DLG2: variants seen among roughly 807,000 people sequenced by gnomAD.
DLG2 encodes disks large homolog 2.
In DLG2, 45 loss-of-function variants were observed where a neutral mutation model predicts 132.5. The observed-to-expected ratio is 0.34, with a 90% CI of 0.27 to 0.44. DLG2 has a LOEUF of 0.44. Ranked by LOEUF, DLG2 falls within the 20% of genes least tolerant of loss-of-function variation. The probability of loss-of-function intolerance (pLI) is 1.00; values close to 1 mark genes in which losing one functional copy is unlikely to be tolerated. For missense variants in DLG2, 1,045 were observed against 1,196.9 expected (o/e 0.87, Z 1.87); for synonymous variants, 424 against 419.6 (o/e 1.01, Z -0.13).
chr11:85,451,292 C>T (rs2092233707), intron 3 of DLG2, among the ~76,000 whole-genome samples: 1 of 152,128 alleles, frequency 6.6e-6, no homozygotes, highest in Non-Finnish European at 1.5e-5. Context: ...CTTAAATCAA[C>T]CCACTTCTCT....
intron 3 of DLG2, among the ~76,000 whole-genome samples, chr11:85,493,739 G>C (rs1373644722): frequency 1.4e-5 from 2 of 146,000 alleles, no homozygotes; most frequent in Non-Finnish European, 3.0e-5. Context: ...AAGAGGGGAG[G>C]GGGAGAGAAA....
intron 10 of DLG2, among the ~76,000 whole-genome samples, chr11:84,096,182 C>A (rs567932359): frequency 6.6e-6 from 1 of 151,926 alleles, no homozygotes; most frequent in Non-Finnish European, 1.5e-5. Context: ...ATCATTAAGC[C>A]TTAATTTTCT....
chr11:83,708,358 G>A (rs1462971773), intron 18 of DLG2, among the ~76,000 whole-genome samples: 1 of 152,158 alleles, frequency 6.6e-6, no homozygotes, highest in Non-Finnish European at 1.5e-5. Context: ...TGAATTACCA[G>A]CACAAATGTT....
chr11:83,895,923 A>G (rs2071520290), intron 15 of DLG2, among the ~76,000 whole-genome samples: 1 of 152,232 alleles, frequency 6.6e-6, no homozygotes, highest in Non-Finnish European at 1.5e-5. Flanking sequence ...GTTCCCATCT[A>G]TTGAACTGAA....
intron 11 of DLG2, among the ~76,000 whole-genome samples, chr11:83,999,554 A>G (rs544282889): frequency 6.6e-6 from 1 of 152,086 alleles, no homozygotes; most frequent in Non-Finnish European, 1.5e-5. Flanking sequence ...AGGCCCAAGA[A>G]TTGGCCCACC....
chr11:85,436,922 T>G (rs1278462282), intron 3 of DLG2, among the ~76,000 whole-genome samples: 2 of 152,194 alleles, frequency 1.3e-5, no homozygotes, highest in Admixed American at 6.5e-5. Flanking sequence ...AATGATAGAC[T>G]GGATAAAGAA....
chr11:84,923,040 G>C, intron 6 of DLG2: 1 of 1,613,180 alleles, frequency 6.2e-7, no homozygotes, highest in Non-Finnish European at 8.5e-7. Flanking sequence ...GGTTTAACAT[G>C]TATATTGTGC....
At chr11:85,521,432 T>A (rs2074304255) in intron 3 of DLG2, among the ~76,000 whole-genome samples, 1 of 152,210 alleles carries the variant, frequency 6.6e-6, no homozygotes. Context: ...TCAATTAAAC[T>A]TCTTTCCTTT....
chr11:83,982,552 C>A (rs1429624627), intron 11 of DLG2, among the ~76,000 whole-genome samples: 1 of 147,578 alleles, frequency 6.8e-6, no homozygotes, highest in African/African-American at 2.5e-5. Context: ...TATAGCTGTA[C>A]AATATGTTTG....
intron 3 of DLG2, among the ~76,000 whole-genome samples, chr11:85,379,943 T>C (rs1596681211): frequency 6.6e-6 from 1 of 152,184 alleles, no homozygotes; most frequent in Non-Finnish European, 1.5e-5. Flanking sequence ...TTTACAAGCC[T>C]TATCACTTAC....
At chr11:83,871,404 A>C (rs1365394353) in intron 16 of DLG2, among the ~76,000 whole-genome samples, 1 of 152,256 alleles carries the variant, frequency 6.6e-6, no homozygotes, top group Non-Finnish European at 1.5e-5. Context: ...TTTTATGTCA[A>C]GTAAATAGCA....
chr11:85,308,904 C>T (rs908224124), intron 3 of DLG2, among the ~76,000 whole-genome samples: 1 of 152,014 alleles, frequency 6.6e-6, no homozygotes, highest in African/African-American at 2.4e-5. Flanking sequence ...TTATTATTTT[C>T]CCTATGGTGG....
chr11:85,571,466 T>G (rs1216269719), intron 3 of DLG2, among the ~76,000 whole-genome samples: 1 of 152,160 alleles, frequency 6.6e-6, no homozygotes, highest in East Asian at 1.9e-4. Context: ...AAAACTCTTG[T>G]GTATGCTAGG....
chr11:85,466,549 C>T (rs186168690), intron 3 of DLG2, among the ~76,000 whole-genome samples: 7 of 152,072 alleles, frequency 4.6e-5, no homozygotes, highest in African/African-American at 1.7e-4. Flanking sequence ...TTTCCCAGCA[C>T]CATTTATTAA....
intron 7 of DLG2, among the ~76,000 whole-genome samples, chr11:84,259,323 C>CT (rs1344930256): frequency 1.4e-5 from 2 of 148,062 alleles, no homozygotes; most frequent in Non-Finnish European, 3.0e-5. Flanking sequence ...TTAGTTTTTA[C>CT]TTTTTGCTTT....
intron 11 of DLG2, among the ~76,000 whole-genome samples, chr11:84,007,173 T>G (rs1176284720): frequency 6.6e-6 from 1 of 151,592 alleles, no homozygotes; most frequent in Non-Finnish European, 1.5e-5. Context: ...CATTTCTTTT[T>G]GCAAGGACAT....
chr11:85,095,673 T>C (rs1441672120), intron 6 of DLG2, among the ~76,000 whole-genome samples: 1 of 152,190 alleles, frequency 6.6e-6, no homozygotes, highest in African/African-American at 2.4e-5. Context: ...TTTTTCAAAA[T>C]AGATTTCATT....
chr11:84,598,690 C>A (rs1249673381), intron 6 of DLG2, among the ~76,000 whole-genome samples: 2 of 151,576 alleles, frequency 1.3e-5, no homozygotes, highest in Non-Finnish European at 2.9e-5. Flanking sequence ...CTCTAGGAGG[C>A]CAGGGCAGAA....
chr11:84,180,318 A>G (rs2096082032), intron 8 of DLG2, among the ~76,000 whole-genome samples: 1 of 152,136 alleles, frequency 6.6e-6, no homozygotes, highest in South Asian at 2.1e-4. Context: ...TCCAAATTGA[A>G]AAACAGAGAA....
Sources: gnomAD v4.1 joint callset for allele counts (sites outside exome capture counted in the v4.1 genomes callset) on GRCh38, gnomAD v4.1.1 for gene constraint, MANE v1.5 for transcripts, NCBI Gene and HGNC (gene_info 2026-07-23, HGNC 2026-07-21) for gene names.